NAV3: variants seen among roughly 807,000 people sequenced by gnomAD.
NAV3 encodes neuron navigator 3, also known as pore membrane and/or filament interacting like protein 1.
In NAV3, 87 loss-of-function variants were observed where a neutral mutation model predicts 244.7. The ratio of observed to expected loss-of-function variants is 0.36; its 90% CI spans 0.30 to 0.42. The LOEUF (loss-of-function observed/expected upper bound fraction) is 0.42, where lower values mean the gene tolerates loss of function less well. Among genes scored for constraint, NAV3 ranks in the 20% least tolerant of loss-of-function variants. NAV3 has a pLI of 1.00. For synonymous variants in NAV3, 1,126 were observed against 1,042.2 expected (o/e 1.08, Z -1.55); for missense variants, 2,663 against 2,893.3 (o/e 0.92, Z 1.83).
chr12:77,599,123 GTCCT>G (rs1459740355), intron 2 of NAV3, among the ~76,000 whole-genome samples: 1 of 151,838 alleles, frequency 6.6e-6, no homozygotes, highest in Non-Finnish European at 1.5e-5. Flanking sequence ...AGTAATATCT[GTCCT>G]TCCATAACTG....
At chr12:77,994,678 C>A in intron 5 of NAV3, 125 bp from the exon 6 acceptor site, 2 of 648,488 alleles carry the variant, frequency 3.1e-6, no homozygotes, top group Non-Finnish European at 5.2e-6. Flanking sequence ...TTAATTTGTT[C>A]TTTATACATG....
At chr12:77,630,541 T>A (rs1871846068) in intron 2 of NAV3, among the ~76,000 whole-genome samples, 1 of 152,328 alleles carries the variant, frequency 6.6e-6, no homozygotes. Flanking sequence ...ATCATGTGCC[T>A]TCAGATCAGC....
intron 2 of NAV3, among the ~76,000 whole-genome samples, chr12:77,631,579 A>G (rs1043044574): frequency 6.6e-6 from 1 of 152,070 alleles, no homozygotes; most frequent in African/African-American, 2.4e-5. Context: ...CCAAGTTCAA[A>G]TCAAAGCCAC....
chr12:77,832,579 A>G (rs117973314), intron 1 of NAV3, among the ~76,000 whole-genome samples: 2,296 of 152,344 alleles, frequency 0.015, 24 homozygotes, highest in South Asian at 0.028. Context: ...TAATCATATC[A>G]GGGTAAATGG....
chr12:77,976,762 T>TC (rs1868513868), intron 5 of NAV3, among the ~76,000 whole-genome samples: 2 of 129,892 alleles, frequency 1.5e-5, no homozygotes, highest in African/African-American at 5.7e-5. Context: ...CACTGCAACC[T>TC]TCCCCTCCCG....
At chr12:77,864,155 A>G (rs1555218278) in intron 1 of NAV3, among the ~76,000 whole-genome samples, 1 of 151,854 alleles carries the variant, frequency 6.6e-6, no homozygotes, top group Non-Finnish European at 1.5e-5. Flanking sequence ...TCACCATTCT[A>G]TAGCTTCTTC....
At chr12:77,749,205 A>G (rs1349895202) in intron 2 of NAV3, among the ~76,000 whole-genome samples, 3 of 152,218 alleles carry the variant, frequency 2.0e-5, no homozygotes, top group African/African-American at 7.2e-5. Context: ...ACTACTTCAT[A>G]TGAACTACAT....
intron 9 of NAV3, among the ~76,000 whole-genome samples, chr12:78,040,590 G>T (rs1880687661): frequency 1.3e-5 from 2 of 152,146 alleles, no homozygotes; most frequent in Admixed American, 6.5e-5. Flanking sequence ...TAATATTCCA[G>T]TTGGCAAATG....
chr12:78,196,281 A>G (rs538628065), intron 34 of NAV3, among the ~76,000 whole-genome samples: 1 of 152,154 alleles, frequency 6.6e-6, no homozygotes, highest in East Asian at 1.9e-4. Context: ...ATAAATAAAA[A>G]TTACTAAATG....
chr12:77,662,223 A>ACCTG (rs771633451), intron 2 of NAV3, among the ~76,000 whole-genome samples: 1 of 112,774 alleles, frequency 8.9e-6, no homozygotes, highest in Admixed American at 9.9e-5. Flanking sequence ...CTTCATATCT[A>ACCTG]TCTGTCTATC....
chr12:78,025,207 C>A (rs755979082), intron 9 of NAV3, among the ~76,000 whole-genome samples: 11 of 152,092 alleles, frequency 7.2e-5, no homozygotes, highest in Non-Finnish European at 1.5e-4. Flanking sequence ...TCTTATTTCA[C>A]CTCACAGCAG....
intron 2 of NAV3, among the ~76,000 whole-genome samples, chr12:77,691,243 G>T (rs952116): frequency 4.8e-5 from 7 of 146,940 alleles, no homozygotes; most frequent in Non-Finnish European, 1.5e-5. Context: ...ACATTTCTGG[G>T]AATTTTCTGA....
chr12:77,787,110 T>A (rs889229560), intron 2 of NAV3, among the ~76,000 whole-genome samples: 15 of 152,130 alleles, frequency 9.9e-5, no homozygotes, highest in South Asian at 4.1e-4. Context: ...AGTTCTTATG[T>A]GGCTCACCTG....
In NAV3 at chr12:77,638,135, T is replaced by A. The variant is rs561460596; in HGVS notation, c.72+65869T>A. ...AGAAACATAGTGTAGCTAAGTCTTA[T>A]GAGGAAAATTAATGTCTTGTTCCAA... On this transcript the variant is annotated intron_variant, in intron 2 of 8. Coordinates refer to the NAV3 transcript ENST00000550042. Among the ~76,000 whole-genome samples the A allele has an allele frequency of 7.9e-5, 12 of 152,320 alleles. No homozygotes were observed. The South Asian group carries it at 2.5e-3, about 32-fold the overall frequency.
At chr12:78,165,488 A>G (rs1593866884) in intron 23 of NAV3, among the ~76,000 whole-genome samples, 2 of 152,022 alleles carry the variant, frequency 1.3e-5, no homozygotes, top group Admixed American at 1.3e-4. Flanking sequence ...TTCAACATAA[A>G]GAAATTGTAT....
chr12:77,897,163 A>G (rs906751163), intron 1 of NAV3, among the ~76,000 whole-genome samples: 7 of 152,118 alleles, frequency 4.6e-5, no homozygotes, highest in African/African-American at 9.7e-5. Flanking sequence ...GAAGAAATTG[A>G]TTTTTCTCCA....
At chr12:77,826,008 A>G (rs1399037795), upstream of NAV3, among the ~76,000 whole-genome samples, 2 of 152,164 alleles carry the variant, frequency 1.3e-5, no homozygotes, top group Non-Finnish European at 2.9e-5. Flanking sequence ...TAGAATGGCT[A>G]AAATGAAAGA....
At chr12:78,165,392 AT>A (rs1957737937) in intron 23 of NAV3, among the ~76,000 whole-genome samples, 1 of 151,984 alleles carries the variant, frequency 6.6e-6, no homozygotes, top group Non-Finnish European at 1.5e-5. Flanking sequence ...CTTTAAATCC[AT>A]ATCTTGATGG....
intron 2 of NAV3, among the ~76,000 whole-genome samples, chr12:77,740,434 T>A (rs1367285571): frequency 6.6e-6 from 1 of 151,904 alleles, no homozygotes; most frequent in Non-Finnish European, 1.5e-5. Flanking sequence ...GGAAACCTGA[T>A]TTTGAAAAAA....
Sources: gnomAD v4.1 joint callset for allele counts (sites outside exome capture counted in the v4.1 genomes callset) on GRCh38, gnomAD v4.1.1 for gene constraint, MANE v1.5 for transcripts, NCBI Gene and HGNC (gene_info 2026-07-23, HGNC 2026-07-21) for gene names.